DPYSL5: variants seen among roughly 807,000 people sequenced by gnomAD.
DPYSL5 encodes dihydropyrimidinase-related protein 5.
A neutral mutation model predicts 58.4 loss-of-function variants in DPYSL5; 9 were observed. The observed-to-expected ratio is 0.15, with a 90% confidence interval of 0.09 to 0.27. DPYSL5 has a LOEUF of 0.27. DPYSL5 is among the 10% of genes least tolerant of loss of function. The probability of loss-of-function intolerance (pLI) is 1.00; values close to 1 mark genes in which losing one functional copy is unlikely to be tolerated. For synonymous variants in DPYSL5, 293 were observed against 301.9 expected, an observed-to-expected ratio of 0.97 and a Z score of 0.31; for missense variants, 499 against 770.6, an observed-to-expected ratio of 0.65 and a Z score of 4.17.
At chr2:26,890,584 C>T (rs1393241253) in intron 1 of DPYSL5, among the ~76,000 whole-genome samples, 6 of 152,188 alleles carry the variant, frequency 3.9e-5, no homozygotes, top group African/African-American at 9.7e-5. Flanking sequence ...ACTCACACTG[C>T]GGTGTCTCTA....
At chr2:26,937,949 A>G (rs1572719478) in intron 8 of DPYSL5, among the ~76,000 whole-genome samples, 1 of 151,732 alleles carries the variant, frequency 6.6e-6, no homozygotes, top group African/African-American at 2.4e-5. Context: ...CAACTGATCC[A>G]CCCGCCTCGG....
chr2:26,891,732 G>T (rs1663886166), intron 1 of DPYSL5, among the ~76,000 whole-genome samples: 1 of 152,058 alleles, frequency 6.6e-6, no homozygotes. Flanking sequence ...GAGTATAGTG[G>T]CATGATCTTG....
chr2:26,922,222 C>G (rs1664723393), intron 2 of DPYSL5, among the ~76,000 whole-genome samples: 1 of 152,208 alleles, frequency 6.6e-6, no homozygotes, highest in African/African-American at 2.4e-5. Context: ...ATACCAGGCT[C>G]AAGGACAGCA....
At chr2:26,888,209 T>TTTTCTTTCTTTCTTTCTTTCTTTCTTTC (rs70953832) in intron 1 of DPYSL5, among the ~76,000 whole-genome samples, 7 of 105,128 alleles carry the variant, frequency 6.7e-5, no homozygotes, top group South Asian at 3.4e-4. Context: ...CTTCCCTTTC[T>TTTTCTTTCTTTCTTTCTTTCTTTCTTTC]TTTCTTTCTT....
In DPYSL5 at chr2:26,930,969, G is replaced by A. The variant is rs192217614; in HGVS notation, c.670-671G>A. On this transcript the variant is annotated intron_variant, in intron 5 of 12. Coordinates refer to ENST00000288699, the MANE Select transcript of DPYSL5 (RefSeq NM_020134.4). ...AGCCTGGGCGACAGAGCAAGACTCC[G>A]TCTGGGAAAAAAAAAAAAAATTAGC... Among the ~76,000 whole-genome samples the A allele has an allele frequency of 1.7e-3, 241 of 143,582 alleles. 1 individual carries two copies. Among genetic ancestry groups the A allele is most frequent in the African/African-American group, 5.5e-3 (215 of 38,996 alleles). The allele number at this position is 143,582 out of a possible 152,430, so 94.2% of individuals were successfully genotyped here.
intron 5 of DPYSL5, among the ~76,000 whole-genome samples, chr2:26,929,025 G>A (rs903210654): frequency 6.6e-5 from 10 of 151,920 alleles, no homozygotes; most frequent in Admixed American, 5.2e-4. Context: ...GTCATGAACC[G>A]GTACAGGACC....
chr2:26,883,092 T>C (rs1663616020), intron 1 of DPYSL5, among the ~76,000 whole-genome samples: 1 of 152,076 alleles, frequency 6.6e-6, no homozygotes, highest in Non-Finnish European at 1.5e-5. Flanking sequence ...GTTTTAAATG[T>C]TTGATGAGAT....
rs1663448462 is a variant in DPYSL5, at chr2:26,877,686, G to A, written c.-4-20810G>A. 6.6e-6 allele frequency among the ~76,000 whole-genome samples: 1 copy of A among 152,148 alleles called. No individual in the cohort carries two copies. Among genetic ancestry groups the A allele is most frequent in the South Asian group, 2.1e-4 (1 of 4,824 alleles). On this transcript the variant is annotated intron_variant, in intron 1 of 12. Transcript: ENST00000288699. This position sits in a 1 kb window ranked among gnomAD's most constrained non-coding sequence, Gnocchi z 4.1. ...TTTTTAAAATTATATAGTACCAAGA[G>A]ATTGAGTTCCACTGTAATTCTCCTG...
At chr2:26,865,464 G>C (rs1666118077) in intron 1 of DPYSL5, among the ~76,000 whole-genome samples, 1 of 152,016 alleles carries the variant, frequency 6.6e-6, no homozygotes, top group Admixed American at 6.6e-5. Flanking sequence ...GGGATTACAG[G>C]CATGCACCAC....
At chr2:26,856,156 C>G (rs989652416) in intron 1 of DPYSL5, among the ~76,000 whole-genome samples, 4 of 151,960 alleles carry the variant, frequency 2.6e-5, no homozygotes, top group African/African-American at 4.8e-5. Flanking sequence ...TGAGACATAC[C>G]CATGTAATCT....
At chr2:26,930,614 G>A (rs1482534963) in intron 5 of DPYSL5, among the ~76,000 whole-genome samples, 2 of 152,042 alleles carry the variant, frequency 1.3e-5, no homozygotes, top group African/African-American at 4.8e-5. Flanking sequence ...CTTGAGCCCA[G>A]GAGTTTATGA....
intron 8 of DPYSL5, 152 bp from the exon 9 acceptor site, chr2:26,939,879 C>G: frequency 1.0e-6 from 1 of 956,958 alleles, no homozygotes; most frequent in Non-Finnish European, 1.6e-6. Flanking sequence ...GATGCAGTAA[C>G]TCACGACAGA....
chr2:26,907,703 G>A (rs1213787482), intron 2 of DPYSL5, among the ~76,000 whole-genome samples: 1 of 152,092 alleles, frequency 6.6e-6, no homozygotes, highest in Non-Finnish European at 1.5e-5. Context: ...CTCCTTCAAG[G>A]CGAACAGCCT....
chr2:26,933,270 A>T lies in DPYSL5; in HGVS notation c.727A>T (p.Ile243Phe). Residue 243 changes from isoleucine (I) to phenylalanine (F), a missense_variant, in exon 7 of 13, where the codon ATC (isoleucine) becomes TTC (phenylalanine). By Grantham distance (21) the Ile-to-Phe change is conservative. Around this residue, in one of 3 missense-constraint regions of DPYSL5, gnomAD observed 404 missense variants for 647.6 expected, o/e 0.62. Transcript: ENST00000288699. This position sits in a 1 kb window ranked among gnomAD's most constrained non-coding sequence, Gnocchi z 4.2. ...TTCTTGTGTTTAGACTCACTGTCCA[A>T]TCTACCTGGTCAACGTGTCCAGTAT... is the stretch of plus-strand genomic sequence containing the variant. ...ITIANRTHCP[I>F]YLVNVSSISA... The T allele has an allele frequency of 3.1e-6, 5 of 1,614,124 alleles. No individual in the cohort carries two copies. The highest frequency in any genetic ancestry group is 4.2e-6 in the Non-Finnish European group (5 of 1,179,990).
intron 1 of DPYSL5, among the ~76,000 whole-genome samples, chr2:26,871,813 A>C (rs1663268645): frequency 6.6e-6 from 1 of 152,196 alleles, no homozygotes; most frequent in African/African-American, 2.4e-5. Flanking sequence ...AATTTACTTA[A>C]ATTTATTTTA....
intron 1 of DPYSL5, among the ~76,000 whole-genome samples, chr2:26,868,306 C>G (rs1222880679): frequency 1.3e-5 from 2 of 152,086 alleles, no homozygotes; most frequent in Non-Finnish European, 2.9e-5. Context: ...TCTATAGTAT[C>G]TTTCATTTCT....
chr2:26,930,915 A>G (rs1211302721), intron 5 of DPYSL5, among the ~76,000 whole-genome samples: 1 of 151,182 alleles, frequency 6.6e-6, no homozygotes, highest in Non-Finnish European at 1.5e-5. Context: ...CGGAGCTTGC[A>G]GTGAGCCAAG....
chr2:26,885,790 G>T (rs1663702744), intron 1 of DPYSL5, among the ~76,000 whole-genome samples: 1 of 152,194 alleles, frequency 6.6e-6, no homozygotes, highest in South Asian at 2.1e-4. Context: ...GAAGAAAGGG[G>T]ACCTGCCCTT....
intron 9 of DPYSL5, 63 bp downstream of exon 9, chr2:26,940,235 C>T: frequency 6.3e-7 from 1 of 1,584,062 alleles, no homozygotes; most frequent in East Asian, 2.2e-5. Flanking sequence ...CATCCCCGTT[C>T]TAATCCCAAT....
Sources: gnomAD v4.1 joint callset for allele counts (sites outside exome capture counted in the v4.1 genomes callset) on GRCh38, gnomAD v4.1.1 for gene constraint, gnomAD v4.1.1 regional missense constraint, Gnocchi (gnomAD v3.1) non-coding constraint, MANE v1.5 for transcripts, NCBI Gene and HGNC (gene_info 2026-07-23, HGNC 2026-07-21) for gene names.